Variants in NRG3 observed in about 807,000 individuals in gnomAD.
NRG3 encodes the protein pro-neuregulin-3, membrane-bound isoform.
In NRG3, 31 loss-of-function variants were observed where a neutral mutation model predicts 66.9. The ratio of observed to expected loss-of-function variants is 0.46; its 90% CI spans 0.35 to 0.63. The LOEUF (loss-of-function observed/expected upper bound fraction) is 0.63, where lower values mean the gene tolerates loss of function less well. Among genes scored for constraint, NRG3 ranks in the 20% least tolerant of loss-of-function variants. NRG3 has a pLI of 0.00. For synonymous variants in NRG3, 393 were observed against 359.4 expected (o/e 1.09, Z -1.06); for missense variants, 910 against 878.9 (o/e 1.04, Z -0.45).
At chr10:82,187,865 G>C (rs1434133196) in intron 1 of NRG3, among the ~76,000 whole-genome samples, 1 of 151,828 alleles carries the variant, frequency 6.6e-6, no homozygotes, top group Admixed American at 6.6e-5. Context: ...AGCTCATCTA[G>C]AATACTATGT....
At chr10:82,326,849 A>G (rs1283447164) in intron 1 of NRG3, among the ~76,000 whole-genome samples, 1 of 152,216 alleles carries the variant, frequency 6.6e-6, no homozygotes, top group African/African-American at 2.4e-5. Flanking sequence ...ATCTTTGCCA[A>G]ATGAATTAAA....
At chr10:82,453,438 A>G (rs2091114171) in intron 2 of NRG3, among the ~76,000 whole-genome samples, 2 of 152,182 alleles carry the variant, frequency 1.3e-5, no homozygotes, top group African/African-American at 4.8e-5. Flanking sequence ...ATGATTGATT[A>G]CCCTATCTAC....
chr10:81,935,246 A>G (rs938528547), intron 1 of NRG3, among the ~76,000 whole-genome samples: 2 of 152,170 alleles, frequency 1.3e-5, no homozygotes, highest in African/African-American at 4.8e-5. Flanking sequence ...ATCTGCAAAT[A>G]TGAGTTTGTT....
At chr10:82,325,008 T>A (rs1010355805) in intron 1 of NRG3, among the ~76,000 whole-genome samples, 4 of 152,218 alleles carry the variant, frequency 2.6e-5, no homozygotes, top group African/African-American at 9.6e-5. Flanking sequence ...AGGGTTAAAA[T>A]AGCAGATTAT....
At chr10:82,969,413 AT>A (rs1346931943) in intron 6 of NRG3, among the ~76,000 whole-genome samples, 1 of 152,148 alleles carries the variant, frequency 6.6e-6, no homozygotes, top group East Asian at 1.9e-4. Flanking sequence ...ACAATCAATA[AT>A]GAAGCACACA....
intron 1 of NRG3, among the ~76,000 whole-genome samples, chr10:81,974,614 T>C (rs1178571907): frequency 6.6e-6 from 1 of 152,088 alleles, no homozygotes; most frequent in Non-Finnish European, 1.5e-5. Context: ...CAATTGATGA[T>C]CTGCACAAGC....
chr10:81,982,337 A>G (rs118133637), intron 1 of NRG3, among the ~76,000 whole-genome samples: 1,538 of 152,316 alleles, frequency 0.01, 12 homozygotes, highest in Non-Finnish European at 0.015. Context: ...AAGCAAGCAC[A>G]TTTAATGTCC....
At chr10:82,398,521 G>T (rs1391010884) in intron 2 of NRG3, among the ~76,000 whole-genome samples, 2 of 143,192 alleles carry the variant, frequency 1.4e-5, no homozygotes, top group Non-Finnish European at 3.1e-5. Flanking sequence ...GTGTGTGTGT[G>T]TGTGTGAGAG....
intron 2 of NRG3, among the ~76,000 whole-genome samples, chr10:82,435,427 T>A (rs1478342176): frequency 1.3e-5 from 2 of 152,104 alleles, no homozygotes; most frequent in African/African-American, 4.8e-5. Context: ...TTTGGAGGGC[T>A]TTTTGTGTCT....
intron 2 of NRG3, among the ~76,000 whole-genome samples, chr10:82,520,465 G>T (rs146793513): frequency 6.6e-6 from 1 of 151,820 alleles, no homozygotes; most frequent in African/African-American, 2.4e-5. Flanking sequence ...TGGTATTTTC[G>T]TAGGAGGGTA....
chr10:82,205,341 G>T (rs1199886454), intron 1 of NRG3, among the ~76,000 whole-genome samples: 1 of 152,154 alleles, frequency 6.6e-6, no homozygotes, highest in African/African-American at 2.4e-5. Context: ...GTAACTAACA[G>T]AAGCCTGGTC....
In NRG3 at chr10:82,025,127, G is replaced by T. The variant is rs530883566; in HGVS notation, c.823+148964G>T. ...TTTTTATGTCATTTCAAATAATTAA[G>T]AAGAAATTGTTTCTTATTTTTTAAA... On this transcript the variant is annotated intron_variant, in intron 1 of 8. Coordinates refer to ENST00000372141, the MANE Select transcript of NRG3 (RefSeq NM_001010848.4). Among the ~76,000 whole-genome samples the T allele has an allele frequency of 8.6e-5, 13 of 151,954 alleles. No individual in the cohort carries two copies. In the South Asian group the frequency reaches 1.0e-3, roughly 12 times the overall value.
intron 1 of NRG3, among the ~76,000 whole-genome samples, chr10:82,238,919 T>TACATATATATATATATATATATATAC (rs1564698641): frequency 7.0e-6 from 1 of 142,142 alleles, no homozygotes; most frequent in Non-Finnish European, 1.5e-5. Flanking sequence ...ACCGTATATA[T>TACATATATATATATATATATATATAC]ATATATATAA....
intron 2 of NRG3, among the ~76,000 whole-genome samples, chr10:82,490,839 T>G (rs1286377187): frequency 6.6e-6 from 1 of 152,152 alleles, no homozygotes; most frequent in Non-Finnish European, 1.5e-5. Context: ...TTATCATTTC[T>G]TGTCTGGATT....
At chr10:82,124,423 C>A (rs1029488442) in intron 1 of NRG3, among the ~76,000 whole-genome samples, 1 of 151,962 alleles carries the variant, frequency 6.6e-6, no homozygotes, top group Non-Finnish European at 1.5e-5. Context: ...ATACTTTTTA[C>A]CCCAATGAGT....
intron 2 of NRG3, among the ~76,000 whole-genome samples, chr10:82,506,701 T>C (rs1809183529): frequency 6.6e-6 from 1 of 152,176 alleles, no homozygotes; most frequent in South Asian, 2.1e-4. Context: ...AATTTACATG[T>C]TTGAGGAACA....
chr10:82,187,714 T>C (rs554324876), intron 1 of NRG3, among the ~76,000 whole-genome samples: 1 of 152,256 alleles, frequency 6.6e-6, no homozygotes, highest in Non-Finnish European at 1.5e-5. Flanking sequence ...CCAAAGCCCA[T>C]TGTGAAGAGT....
At chr10:82,591,625 C>A (rs942094055) in intron 2 of NRG3, among the ~76,000 whole-genome samples, 5 of 152,148 alleles carry the variant, frequency 3.3e-5, no homozygotes, top group Non-Finnish European at 4.4e-5. Flanking sequence ...TGCGTCAACA[C>A]TGTTAAATAA....
chr10:82,025,470 C>T (rs1477385769), intron 1 of NRG3, among the ~76,000 whole-genome samples: 1 of 151,616 alleles, frequency 6.6e-6, no homozygotes, highest in East Asian at 1.9e-4. Flanking sequence ...TGTGCATATG[C>T]CTGAGATAAT....
Sources: allele counts gnomAD v4.1 joint callset (sites outside exome capture counted in the v4.1 genomes callset), GRCh38; gene constraint gnomAD v4.1.1; transcripts MANE v1.5; gene names NCBI Gene and HGNC (gene_info 2026-07-23, HGNC 2026-07-21).